The following CNTN1 variants were observed in gnomAD, a reference collection of about 807,000 sequenced individuals.
CNTN1 encodes contactin 1.
In CNTN1, 38 loss-of-function variants were observed where a neutral mutation model predicts 126.4. The ratio of observed to expected loss-of-function variants is 0.30; its 90% CI spans 0.23 to 0.39. The LOEUF is 0.39. Ranked by LOEUF, CNTN1 falls within the 10% of genes least tolerant of loss-of-function variation. CNTN1 has a pLI of 1.00. For missense variants in CNTN1, 1,009 were observed against 1,248.4 expected, an observed-to-expected ratio of 0.81 and a Z score of 2.89; for synonymous variants, 413 against 422.6, an observed-to-expected ratio of 0.98 and a Z score of 0.28.
At chr12:41,066,252 A>G (rs995082595) in intron 23 of CNTN1, among the ~76,000 whole-genome samples, 3 of 152,220 alleles carry the variant, frequency 2.0e-5, no homozygotes, top group Non-Finnish European at 4.4e-5. Flanking sequence ...AAAAGTAATC[A>G]TAGGAAGGTA....
chr12:40,981,148 A>T (rs931282957), intron 16 of CNTN1, 81 bp downstream of exon 16: 2 of 1,411,976 alleles, frequency 1.4e-6, no homozygotes, highest in Non-Finnish European at 2.0e-6. Flanking sequence ...GGAGGTTTTA[A>T]AAATGTCATT....
chr12:40,980,880 C>T, intron 15 of CNTN1, 29 bp from the exon 16 acceptor site: 1 of 1,609,356 alleles, frequency 6.2e-7, no homozygotes, highest in Non-Finnish European at 8.5e-7. Flanking sequence ...ATGGAATTCA[C>T]TGATTCATTA....
chr12:41,028,043 T>C (rs543005965), intron 22 of CNTN1, 74 bp downstream of exon 22: 1 of 1,102,022 alleles, frequency 9.1e-7, no homozygotes, highest in Admixed American at 1.8e-5. Flanking sequence ...GTTTCTTTTC[T>C]TTTTTTGAGA....
chr12:41,036,857 G>A (rs1361913251), intron 23 of CNTN1, among the ~76,000 whole-genome samples: 1 of 152,164 alleles, frequency 6.6e-6, no homozygotes, highest in Non-Finnish European at 1.5e-5. Context: ...TTGCCAAACT[G>A]TCATCTAAAC....
At chr12:40,834,059 G>A (rs1474784769) in intron 1 of CNTN1, among the ~76,000 whole-genome samples, 2 of 152,224 alleles carry the variant, frequency 1.3e-5, no homozygotes, top group African/African-American at 4.8e-5. Context: ...TCCAAGGAGA[G>A]ATTGTTAATC....
intron 6 of CNTN1, among the ~76,000 whole-genome samples, chr12:40,925,459 G>C (rs1945609445): frequency 6.6e-6 from 1 of 150,524 alleles, no homozygotes; most frequent in South Asian, 2.1e-4. Context: ...ACATCAATCT[G>C]ATGTGTGTGT....
chr12:40,858,768 A>G (rs1417187560), intron 1 of CNTN1, among the ~76,000 whole-genome samples: 1 of 152,200 alleles, frequency 6.6e-6, no homozygotes, highest in African/African-American at 2.4e-5. Context: ...AAAATGTGGT[A>G]TATATACACC....
At chr12:40,975,181 TA>T (rs1947638306) in intron 15 of CNTN1, among the ~76,000 whole-genome samples, 84 of 126,704 alleles carry the variant, frequency 6.6e-4, no homozygotes, top group Middle Eastern at 3.9e-3. Flanking sequence ...AAATGGATTA[TA>T]TATATATATA....
rs766475225 is a variant in CNTN1, at chr12:40,944,015, G to A, written c.1528G>A (p.Ala510Thr). 1.9e-6 allele frequency: 3 copies of A among 1,613,080 alleles called. No homozygotes were observed. The highest frequency in any genetic ancestry group is 3.3e-5 in the Admixed American group (2 of 59,876). ...TATAGATCCTACGCGAATTATATTG[G>A]CCCCAATTAATGCCGATATCACAGT... ...VITDPTRIIL[A>T]PINADITVGE... Residue 510 changes from alanine to threonine, a missense_variant, in exon 14 of 24, where the codon GCC becomes ACC. Transcript: ENST00000551295.
At chr12:40,816,316 C>T (rs551245482) in intron 1 of CNTN1, among the ~76,000 whole-genome samples, 3 of 152,252 alleles carry the variant, frequency 2.0e-5, no homozygotes, top group African/African-American at 7.2e-5. Context: ...TAATTACTGC[C>T]TCAATTTCAG....
rs1055503121 is a variant in CNTN1 at position 40,908,395 on chromosome 12, T to G, written c.-38T>G. 9.5e-6 allele frequency: 15 copies of G among 1,586,882 alleles called. No individual in the cohort carries two copies. In the African/African-American group the frequency reaches 1.7e-4, roughly 18 times the overall value. On this transcript the variant is annotated 5_prime_UTR_variant, in exon 2 of 24. Transcript: ENST00000551295. ...TCCAACTGCCATAGAGCTAAATTCT[T>G]TTTTGGAAAATTGAACCGAACTTCT...
intron 15 of CNTN1, chr12:40,972,240 G>A (rs10879442): frequency 1.0e-6 from 1 of 984,652 alleles, no homozygotes; most frequent in African/African-American, 1.8e-5. Context: ...TTTGTAGATC[G>A]TTTGGGTGGA....
At chr12:40,734,181 A>G (rs1180415542) in intron 1 of CNTN1, among the ~76,000 whole-genome samples, 4 of 152,104 alleles carry the variant, frequency 2.6e-5, no homozygotes, top group Non-Finnish European at 5.9e-5. Flanking sequence ...GATCTACAAA[A>G]CAATTGGAGT....
chr12:40,900,736 C>T (rs1944573508), intron 1 of CNTN1, among the ~76,000 whole-genome samples: 1 of 152,114 alleles, frequency 6.6e-6, no homozygotes, highest in African/African-American at 2.4e-5. Flanking sequence ...TACGAGATTC[C>T]ACTCAACCTC....
At chr12:40,704,585 G>A (rs1422837884) in intron 1 of CNTN1, among the ~76,000 whole-genome samples, 1 of 152,022 alleles carries the variant, frequency 6.6e-6, no homozygotes, top group Non-Finnish European at 1.5e-5. Flanking sequence ...CCTAGACTTA[G>A]GATTTTATCC....
chr12:40,938,743 A>G (rs888418905), intron 11 of CNTN1, among the ~76,000 whole-genome samples: 8 of 152,176 alleles, frequency 5.3e-5, no homozygotes, highest in African/African-American at 1.9e-4. Context: ...GTTAATTTTA[A>G]GGTAAATGTG....
intron 1 of CNTN1, among the ~76,000 whole-genome samples, chr12:40,890,312 C>T (rs1944197049): frequency 6.6e-6 from 1 of 152,156 alleles, no homozygotes; most frequent in Admixed American, 6.5e-5. Flanking sequence ...CAAAGTGGTA[C>T]AGTTGTTAAA....
At chr12:40,873,873 A>G (rs936370322) in intron 1 of CNTN1, among the ~76,000 whole-genome samples, 33 of 152,106 alleles carry the variant, frequency 2.2e-4, no homozygotes, top group Admixed American at 2.6e-4. Context: ...GCTATCAACT[A>G]TTGGAATATC....
intron 23 of CNTN1, chr12:41,062,024 T>C (rs1949947878): frequency 5.2e-6 from 1 of 192,230 alleles, no homozygotes; most frequent in African/African-American, 2.4e-5. Context: ...AATAGATATT[T>C]TAGGGAAAAA....
Sources: allele counts gnomAD v4.1 joint callset (sites outside exome capture counted in the v4.1 genomes callset), GRCh38; gene constraint gnomAD v4.1.1; transcripts MANE v1.5; gene names NCBI Gene and HGNC (gene_info 2026-07-23, HGNC 2026-07-21).